UBE2D4: variants seen among roughly 807,000 people sequenced by gnomAD.
UBE2D4 encodes ubiquitin conjugating enzyme E2 D4.
Under a neutral mutation model 23.0 loss-of-function variants are expected in UBE2D4, and 17 were observed. The ratio of observed to expected loss-of-function variants is 0.74; its 90% CI spans 0.51 to 1.11. The LOEUF (loss-of-function observed/expected upper bound fraction) is 1.11. UBE2D4 is among the 50% of genes least tolerant of loss of function. The pLI is 0.00. For missense variants in UBE2D4, 139 were observed against 181.8 expected (o/e 0.76, Z 1.35); for synonymous variants, 61 against 69.4 (o/e 0.88, Z 0.60).
chr7:43,949,131 A>G (rs2132797140), intron 5 of UBE2D4: 2 of 296,492 alleles, frequency 6.7e-6, no homozygotes, highest in Admixed American at 9.7e-5. Flanking sequence ...GATACAGGGC[A>G]TGCCTCCGGG....
chr7:43,930,204 T>C (rs1470962579), intron 1 of UBE2D4, among the ~76,000 whole-genome samples: 6 of 152,176 alleles, frequency 3.9e-5, no homozygotes, highest in Admixed American at 3.9e-4. Flanking sequence ...AGGAGTCTGG[T>C]TACTCTTAGA....
At position 43,953,514 on chromosome 7, in the gene UBE2D4, A is replaced by G. The variant is rs140210321; in HGVS notation, c.*819A>G. The G allele has an allele frequency of 5.7e-3, 1,338 of 235,560 alleles. 6 individuals are homozygous for G. The highest frequency in any genetic ancestry group is 0.017 in the Middle Eastern group (10 of 584). The allele number at this position is 235,560 out of a possible 1,614,324, so 14.6% of individuals were successfully genotyped here. On this transcript the variant is annotated 3_prime_UTR_variant, in exon 7 of 7. Transcript: ENST00000222402. ...GCCATTCACAGACTAGAACACAAGG[A>G]GGGAGAGAGACTCTTAAACGTAAAT...
chr7:43,932,762 C>T (rs2095948672), intron 1 of UBE2D4, among the ~76,000 whole-genome samples: 1 of 151,552 alleles, frequency 6.6e-6, no homozygotes, highest in South Asian at 2.1e-4. Context: ...CACGGCACTC[C>T]AACCTGGGTG....
intron 4 of UBE2D4, among the ~76,000 whole-genome samples, chr7:43,947,635 G>A (rs58301995): frequency 0.37 from 55,570 of 152,068 alleles, 10,292 homozygotes; most frequent in South Asian, 0.48. Flanking sequence ...GAATAGTGCC[G>A]CAATAAACAT....
At chr7:43,952,152 G>C (rs550388531) in intron 6 of UBE2D4, 1 of 159,764 alleles carries the variant, frequency 6.3e-6, no homozygotes, top group East Asian at 1.8e-4. Context: ...AGCACACAAG[G>C]CAGATACTTT....
intron 1 of UBE2D4, among the ~76,000 whole-genome samples, chr7:43,929,487 C>T (rs527547053): frequency 4.9e-4 from 73 of 150,016 alleles, no homozygotes; most frequent in Non-Finnish European, 6.4e-4. Flanking sequence ...TGGTGACACA[C>T]ACCTGTAATC....
intron 5 of UBE2D4, among the ~76,000 whole-genome samples, chr7:43,949,633 A>G (rs2095996998): frequency 6.6e-6 from 1 of 152,238 alleles, no homozygotes; most frequent in Admixed American, 6.5e-5. Flanking sequence ...GTTTGGAATC[A>G]TATGGTGAGT....
Position 43,953,355 on chromosome 7 carries a change from G to A in UBE2D4, c.*660G>A. 5.6e-6 allele frequency: 2 copies of A among 356,646 alleles called. No individual in the cohort carries two copies. The highest frequency in any genetic ancestry group is 2.1e-5 in the South Asian group (1 of 48,216). 22.1% of individuals were successfully genotyped at this position (356,646 alleles called of 1,614,324 possible). The stretch of plus-strand genomic sequence containing the variant: ...ATACAAAGCACATAACACCCCATAA[G>A]AGATGATTATGTTTTTAGAAGCAAG... On this transcript the variant is annotated 3_prime_UTR_variant, in exon 7 of 7. Transcript: ENST00000222402.
intron 4 of UBE2D4, among the ~76,000 whole-genome samples, chr7:43,945,307 T>C (rs2132784531): frequency 6.6e-6 from 1 of 152,298 alleles, no homozygotes; most frequent in East Asian, 1.9e-4. Context: ...GTGGTTATTA[T>C]TAAAAAACTA....
intron 1 of UBE2D4, among the ~76,000 whole-genome samples, chr7:43,931,535 A>G (rs2132752437): frequency 6.8e-6 from 1 of 146,060 alleles, no homozygotes; most frequent in East Asian, 2.1e-4. Flanking sequence ...CAGGCTGTAC[A>G]GGAAGTATGG....
chr7:43,940,287 C>T (rs911776041), intron 2 of UBE2D4, among the ~76,000 whole-genome samples: 1 of 152,222 alleles, frequency 6.6e-6, no homozygotes, highest in Non-Finnish European at 1.5e-5. Flanking sequence ...GGTACCTGCT[C>T]ATCACTCTGC....
chr7:43,953,094 T>G lies in UBE2D4; in HGVS notation c.*399T>G. ...AGCCTGGCCCCTCACCACATACCCTTTGCCTTTTAGAACTCAGTGCCATCC... is the reference window on the plus strand; with the variant it reads ...AGCCTGGCCCCTCACCACATACCCTGTGCCTTTTAGAACTCAGTGCCATCC... On this transcript the variant is annotated 3_prime_UTR_variant, in exon 7 of 7. Transcript: ENST00000222402. 2 of 457,106 alleles carry G rather than the reference T, an allele frequency of 4.4e-6. No homozygotes were observed. Among genetic ancestry groups the G allele is most frequent in the Non-Finnish European group, 4.4e-6 (1 of 227,232 alleles). 28.3% of individuals were successfully genotyped at this position (457,106 alleles called of 1,614,324 possible). A position where few individuals can be genotyped will look rare whatever the true frequency, so the allele number is the denominator to read the frequency against.
intron 2 of UBE2D4, 50 bp from the exon 3 acceptor site, chr7:43,942,776 C>T: frequency 6.2e-7 from 1 of 1,613,168 alleles, no homozygotes; most frequent in Non-Finnish European, 8.5e-7. Flanking sequence ...AGTAGAATGA[C>T]ATGTTTCTTG....
At position 43,952,827 on chromosome 7, in the gene UBE2D4, C is replaced by G. The variant is rs1045398; in HGVS notation, c.*132C>G. On this transcript the variant is annotated 3_prime_UTR_variant, in exon 7 of 7. Transcript: ENST00000222402. ...TCTTCAAACAAATGTTGGTCACCCA[C>G]TCTCTCCAGCTGCAGCATGTTGGTG... 87,966 of 737,750 alleles carry G rather than the reference C, an allele frequency of 0.12. 6,011 individuals carry two copies. Among genetic ancestry groups the G allele is most frequent in the Admixed American group, 0.2 (9,855 of 48,190 alleles). 45.7% of individuals were successfully genotyped at this position (737,750 alleles called of 1,614,324 possible).
chr7:43,950,327 A>T (rs574296897), intron 5 of UBE2D4, among the ~76,000 whole-genome samples: 1 of 146,990 alleles, frequency 6.8e-6, no homozygotes, highest in African/African-American at 2.5e-5. Context: ...TTGGAGACTA[A>T]GATGGGGTGC....
intron 2 of UBE2D4, among the ~76,000 whole-genome samples, chr7:43,939,357 T>TCCAGGCCTCTGCTGTC (rs1414225255): frequency 6.6e-6 from 1 of 152,242 alleles, no homozygotes; most frequent in Non-Finnish European, 1.5e-5. Flanking sequence ...CACTGCCTGT[T>TCCAGGCCTCTGCTGTC]CCAGGCCTCT....
At chr7:43,932,530 C>T (rs968672928) in intron 1 of UBE2D4, among the ~76,000 whole-genome samples, 1 of 152,124 alleles carries the variant, frequency 6.6e-6, no homozygotes, top group Admixed American at 6.5e-5. Flanking sequence ...GGGTGGCTCA[C>T]GCCTGTAATC....
chr7:43,932,124 G>A (rs1347632440), intron 1 of UBE2D4, among the ~76,000 whole-genome samples: 8 of 151,818 alleles, frequency 5.3e-5, no homozygotes, highest in Non-Finnish European at 1.0e-4. Flanking sequence ...TGAGTAGCTG[G>A]GACTACAGGC....
chr7:43,937,131 T>C (rs1055693332), intron 1 of UBE2D4, among the ~76,000 whole-genome samples: 7 of 152,208 alleles, frequency 4.6e-5, no homozygotes, highest in Admixed American at 4.6e-4. Flanking sequence ...TGCAAAAGCA[T>C]AGAGGTGTGG....
Sources: allele counts gnomAD v4.1 joint callset (sites outside exome capture counted in the v4.1 genomes callset), GRCh38; gene constraint gnomAD v4.1.1; transcripts MANE v1.5; gene names NCBI Gene and HGNC (gene_info 2026-07-23, HGNC 2026-07-21).